Variants in RAPGEF6 observed in about 807,000 individuals in gnomAD.
RAPGEF6 encodes Rap guanine nucleotide exchange factor 6.
Under a neutral mutation model 171.4 loss-of-function variants are expected in RAPGEF6, and 56 were observed. That is an observed-to-expected ratio of 0.33 (90% CI 0.26 to 0.41). The LOEUF (loss-of-function observed/expected upper bound fraction) is 0.41. Among genes scored for constraint, RAPGEF6 ranks in the 10% least tolerant of loss-of-function variants. The pLI is 1.00. For missense variants in RAPGEF6, 1,674 were observed against 1,921.4 expected (o/e 0.87, Z 2.41); for synonymous variants, 692 against 650.1 (o/e 1.06, Z -0.98).
At chr5:131,618,316 A>ATTTGTT (rs1346434539) in intron 1 of RAPGEF6, among the ~76,000 whole-genome samples, 2 of 152,196 alleles carry the variant, frequency 1.3e-5, no homozygotes, top group Admixed American at 1.3e-4. Flanking sequence ...AACAACTAAC[A>ATTTGTT]AATGTAAAAG....
intron 6 of RAPGEF6, among the ~76,000 whole-genome samples, chr5:131,528,841 T>C (rs1012974701): frequency 1.3e-4 from 20 of 152,122 alleles, no homozygotes; most frequent in Non-Finnish European, 4.4e-5. Context: ...ACTTGGACTT[T>C]GAAGAAAGTC....
At position 131,431,041 on chromosome 5, in the gene RAPGEF6, A is replaced by C. The variant is rs778745380; in HGVS notation, c.4283T>G (p.Leu1428Arg). 5 of 1,614,140 alleles carry C rather than the reference A, an allele frequency of 3.1e-6. No individual in the cohort carries two copies. The Admixed American group carries it at 8.3e-5, about 27-fold the overall frequency. Reference protein sequence around the residue: ...SRTCGQCKGSLERKSWTSSSS... With the variant: ...SRTCGQCKGSRERKSWTSSSS... The stretch of plus-strand genomic sequence containing the variant: ...GGAGGAGGTCCAACTCTTTCTCTCT[A>C]GGCTTCCTTTACACTGCCCACAAGT... The change falls in exon 26 of 28, where the codon CTA becomes CGA. Residue 1428 changes from leucine to arginine, a missense_variant. Around this residue, in one of 3 missense-constraint regions of RAPGEF6, gnomAD observed 552 missense variants for 574.2 expected, o/e 0.96. Transcript: ENST00000509018.
At chr5:131,504,520 G>T in intron 11 of RAPGEF6, 106 bp downstream of exon 11, 1 of 1,175,994 alleles carries the variant, frequency 8.5e-7, no homozygotes, top group Non-Finnish European at 1.2e-6. Context: ...AGATGCCAAA[G>T]TGTTAATGAA....
At chr5:131,628,898 C>T (rs576484372) in intron 1 of RAPGEF6, among the ~76,000 whole-genome samples, 1 of 152,178 alleles carries the variant, frequency 6.6e-6, no homozygotes, top group East Asian at 1.9e-4. Context: ...ACCCACTGCT[C>T]AGAAAAAAAG....
Position 131,446,675 on chromosome 5 carries a change from T to C in RAPGEF6, c.3229A>G (p.Asn1077Asp). ...GCACCTCCCTGAACATCCAGCATGTTTGAATTTGTGCTTCCTTGACTCAGT... is the reference window on the plus strand; with the variant it reads ...GCACCTCCCTGAACATCCAGCATGTCTGAATTTGTGCTTCCTTGACTCAGT... ...RSLSQGSTNSNMLDVQGGAHK... is the reference protein window; with the variant it reads ...RSLSQGSTNSDMLDVQGGAHK... The change falls in exon 22 of 28, where the codon AAC (asparagine) becomes GAC (aspartate). Residue 1077 changes from asparagine (N) to aspartate (D), a missense_variant. Physicochemically the swap from Asn to Asp is conservative, Grantham distance 23. Transcript: ENST00000509018. 1 of 1,614,182 alleles carries C rather than the reference T, an allele frequency of 6.2e-7. No individual in the cohort carries two copies. Among genetic ancestry groups the C allele is most frequent in the Non-Finnish European group, 8.5e-7 (1 of 1,179,990 alleles).
At chr5:131,465,622 A>C (rs1561485917) in intron 17 of RAPGEF6, among the ~76,000 whole-genome samples, 1 of 151,934 alleles carries the variant, frequency 6.6e-6, no homozygotes, top group African/African-American at 2.4e-5. Context: ...CTCTACAAAA[A>C]ATTTTTAAAA....
chr5:131,567,521 T>C (rs1056857622), intron 4 of RAPGEF6, among the ~76,000 whole-genome samples: 2 of 152,206 alleles, frequency 1.3e-5, no homozygotes, highest in Non-Finnish European at 2.9e-5. Flanking sequence ...TGGTCTATTA[T>C]TCATTTACAA....
At chr5:131,590,083 A>T (rs1763500829) in intron 4 of RAPGEF6, among the ~76,000 whole-genome samples, 1 of 152,116 alleles carries the variant, frequency 6.6e-6, no homozygotes, top group Non-Finnish European at 1.5e-5. Flanking sequence ...AATCCCTTGA[A>T]CTAGTTTAAT....
chr5:131,563,921 T>C (rs1761765469), intron 4 of RAPGEF6, among the ~76,000 whole-genome samples: 1 of 152,122 alleles, frequency 6.6e-6, no homozygotes, highest in Non-Finnish European at 1.5e-5. Context: ...CAAGATGGAA[T>C]AACAGGGACT....
At chr5:131,450,792 A>G (rs1252549174) in intron 21 of RAPGEF6, among the ~76,000 whole-genome samples, 1 of 152,234 alleles carries the variant, frequency 6.6e-6, no homozygotes, top group Non-Finnish European at 1.5e-5. Flanking sequence ...GGAAAAATTC[A>G]GTCCAATCTT....
chr5:131,475,023 G>C (rs146752419), intron 16 of RAPGEF6, among the ~76,000 whole-genome samples: 1 of 152,170 alleles, frequency 6.6e-6, no homozygotes, highest in Non-Finnish European at 1.5e-5. Context: ...CAGAAAATAC[G>C]AAAAGTCCTT....
At chr5:131,529,701 A>G (rs1046587794) in intron 6 of RAPGEF6, among the ~76,000 whole-genome samples, 4 of 152,102 alleles carry the variant, frequency 2.6e-5, no homozygotes, top group African/African-American at 9.7e-5. Context: ...GCTTGAGTCC[A>G]GGAGTTTGAG....
At chr5:131,603,906 A>G (rs1368419549) in intron 2 of RAPGEF6, among the ~76,000 whole-genome samples, 2 of 152,110 alleles carry the variant, frequency 1.3e-5, no homozygotes, top group Admixed American at 1.3e-4. Flanking sequence ...AAACCCAGGA[A>G]AAGTCACTGG....
At chr5:131,536,045 T>C (rs1362549422) in intron 6 of RAPGEF6, among the ~76,000 whole-genome samples, 1 of 152,170 alleles carries the variant, frequency 6.6e-6, no homozygotes, top group Non-Finnish European at 1.5e-5. Context: ...CAATGAAATA[T>C]TATAATCATA....
At chr5:131,431,825 G>T (rs1222439157) in intron 25 of RAPGEF6, among the ~76,000 whole-genome samples, 1 of 152,148 alleles carries the variant, frequency 6.6e-6, no homozygotes, top group Non-Finnish European at 1.5e-5. Flanking sequence ...ATGTAAAGAT[G>T]AGAGTTGAAA....
intron 4 of RAPGEF6, among the ~76,000 whole-genome samples, chr5:131,592,044 C>T (rs960291725): frequency 3.3e-5 from 5 of 151,988 alleles, no homozygotes; most frequent in African/African-American, 7.2e-5. Flanking sequence ...TTAATAGAGA[C>T]GGGGTTTCTC....
chr5:131,556,077 T>C (rs773232187), intron 5 of RAPGEF6, among the ~76,000 whole-genome samples: 349 of 151,928 alleles, frequency 2.3e-3, no homozygotes, highest in Admixed American at 4.6e-3. Flanking sequence ...ATTATAATTT[T>C]ATGGAACCAT....
chr5:131,473,796 G>C (rs948480926), intron 16 of RAPGEF6, among the ~76,000 whole-genome samples: 1 of 152,064 alleles, frequency 6.6e-6, no homozygotes, highest in East Asian at 1.9e-4. Context: ...AGGATTTTAC[G>C]TAGATTAGAA....
At position 131,455,787 on chromosome 5, in the gene RAPGEF6, T is replaced by C. The variant is rs767386953; in HGVS notation, c.3076+14A>G. 6.3e-7 allele frequency: 1 copy of C among 1,597,246 alleles called. No individual in the cohort carries two copies. The highest frequency in any genetic ancestry group is 1.1e-5 in the South Asian group (1 of 90,678). Reference sequence around the variant, plus strand: ...AACCATGTGGTAAAACATCAATAAATAATGTTTTCATACCTTCATGTAGAA... The same window carrying C: ...AACCATGTGGTAAAACATCAATAAACAATGTTTTCATACCTTCATGTAGAA... On this transcript the variant is annotated intron_variant, in intron 20 of 27. Transcript: ENST00000509018.
Sources: allele counts gnomAD v4.1 joint callset (sites outside exome capture counted in the v4.1 genomes callset), GRCh38; gene constraint gnomAD v4.1.1; regional missense constraint gnomAD v4.1.1; transcripts MANE v1.5; gene names NCBI Gene and HGNC (gene_info 2026-07-23, HGNC 2026-07-21).